NECTIN3: variants seen among roughly 807,000 people sequenced by gnomAD.
NECTIN3 encodes the protein nectin cell adhesion molecule 3, also known as nectin-3.
In NECTIN3, 8 loss-of-function variants were observed where a neutral mutation model predicts 49.4. The ratio of observed to expected loss-of-function variants is 0.16; its 90% CI spans 0.10 to 0.29. The LOEUF (loss-of-function observed/expected upper bound fraction) is 0.29, where lower values mean the gene tolerates loss of function less well. NECTIN3 is among the 10% of genes least tolerant of loss of function. The pLI, the probability that NECTIN3 is intolerant of heterozygous loss-of-function variation, is 1.00. For synonymous variants in NECTIN3, 277 were observed against 241.1 expected, an observed-to-expected ratio of 1.15 and a Z score of -1.38; for missense variants, 581 against 654.6, an observed-to-expected ratio of 0.89 and a Z score of 1.23.
At chr3:111,179,125 C>G (rs1208622891) in intron 7 of NECTIN3, among the ~76,000 whole-genome samples, 1 of 152,216 alleles carries the variant, frequency 6.6e-6, no homozygotes, top group East Asian at 1.9e-4. Flanking sequence ...CTAATGCTGT[C>G]TGTTTTAATC....
intron 7 of NECTIN3, among the ~76,000 whole-genome samples, chr3:111,176,829 C>G (rs2035538507): frequency 6.6e-6 from 1 of 151,970 alleles, no homozygotes; most frequent in Admixed American, 6.6e-5. Flanking sequence ...ATTTCATTTT[C>G]TACATTTCTA....
chr3:111,074,283 A>G, intron 1 of NECTIN3: 1 of 456,202 alleles, frequency 2.2e-6, no homozygotes, highest in South Asian at 1.6e-5. Flanking sequence ...TGTTGATTTA[A>G]CTACTGTTTT....
chr3:111,148,481 T>A (rs1021736070), intron 7 of NECTIN3, among the ~76,000 whole-genome samples: 1 of 152,166 alleles, frequency 6.6e-6, no homozygotes, highest in Non-Finnish European at 1.5e-5. Flanking sequence ...TGTAGTCTCA[T>A]CTCTTGGCAA....
At chr3:111,102,497 G>T (rs1237430062) in intron 1 of NECTIN3, among the ~76,000 whole-genome samples, 2 of 152,208 alleles carry the variant, frequency 1.3e-5, no homozygotes, top group African/African-American at 4.8e-5. Flanking sequence ...TCCAACCCAG[G>T]TTAAATCTTG....
intron 5 of NECTIN3, among the ~76,000 whole-genome samples, chr3:111,131,931 AT>A (rs1214208467): frequency 3.3e-5 from 5 of 151,758 alleles, no homozygotes; most frequent in Admixed American, 1.3e-4. Flanking sequence ...AGTTTATTAT[AT>A]TTTTTTCTTT....
At chr3:111,098,796 C>G (rs1180467765) in intron 1 of NECTIN3, among the ~76,000 whole-genome samples, 1 of 151,980 alleles carries the variant, frequency 6.6e-6, no homozygotes, top group Non-Finnish European at 1.5e-5. Flanking sequence ...GTATTTTCAA[C>G]CTGCAATATT....
intron 1 of NECTIN3, among the ~76,000 whole-genome samples, chr3:111,086,173 G>A (rs986662138): frequency 6.6e-6 from 1 of 151,904 alleles, no homozygotes; most frequent in African/African-American, 2.4e-5. Flanking sequence ...CCTAGGAATT[G>A]TTTATATTTG....
chr3:111,129,982 G>T (rs541466685), intron 5 of NECTIN3, among the ~76,000 whole-genome samples: 1 of 144,824 alleles, frequency 6.9e-6, no homozygotes, highest in Non-Finnish European at 1.5e-5. Flanking sequence ...TTGAGACAGA[G>T]TCTTGCTCTG....
chr3:111,191,085 A>G (rs1009737987), upstream of NECTIN3, among the ~76,000 whole-genome samples: 1 of 152,196 alleles, frequency 6.6e-6, no homozygotes, highest in African/African-American at 2.4e-5. Flanking sequence ...TAATGCCTGC[A>G]TGTGGAGACA....
chr3:111,082,100 T>A (rs1430423577), intron 1 of NECTIN3, among the ~76,000 whole-genome samples: 2 of 152,338 alleles, frequency 1.3e-5, no homozygotes, highest in East Asian at 3.9e-4. Flanking sequence ...GAGAAGTAGA[T>A]GATATGGTGT....
At chr3:111,118,526 C>G in intron 2 of NECTIN3, 130 bp from the exon 3 acceptor site, 1 of 825,748 alleles carries the variant, frequency 1.2e-6, no homozygotes, top group Non-Finnish European at 1.8e-6. Context: ...ATGGCATTAC[C>G]TAAAAAGTGT....
rs2034520440 is a variant in NECTIN3 at position 111,134,781 on chromosome 3, T to C, written c.*566T>C. Reference sequence around the variant, plus strand: ...TAAGTTTCTATACAAATGAAATCTTTACCTCTGCATATTAATGAGCCTTGC... The same window carrying C: ...TAAGTTTCTATACAAATGAAATCTTCACCTCTGCATATTAATGAGCCTTGC... On this transcript the variant is annotated 3_prime_UTR_variant, in exon 6 of 6. Coordinates refer to ENST00000485303, the MANE Select transcript of NECTIN3 (RefSeq NM_015480.3). 2 of 975,830 alleles carry C rather than the reference T, an allele frequency of 2.0e-6. No homozygotes were observed. The highest frequency in any genetic ancestry group is 4.7e-5 in the South Asian group (1 of 21,092). 60.4% of individuals were successfully genotyped at this position (975,830 alleles called of 1,614,324 possible). A position where few individuals can be genotyped will look rare whatever the true frequency, so the allele number is the denominator to read the frequency against.
chr3:111,153,673 G>A (rs909754596), intron 7 of NECTIN3, among the ~76,000 whole-genome samples: 4 of 151,986 alleles, frequency 2.6e-5, no homozygotes, highest in Admixed American at 2.6e-4. Flanking sequence ...GAAAAACAAA[G>A]CTGATGCTAC....
chr3:111,122,715 T>C (rs1316573692), intron 4 of NECTIN3, among the ~76,000 whole-genome samples: 1 of 152,162 alleles, frequency 6.6e-6, no homozygotes, highest in Non-Finnish European at 1.5e-5. Context: ...TGTTTTCTCT[T>C]GTCTATAGCC....
intron 7 of NECTIN3, among the ~76,000 whole-genome samples, chr3:111,168,419 C>T (rs2035362986): frequency 6.6e-6 from 1 of 151,944 alleles, no homozygotes; most frequent in African/African-American, 2.4e-5. Flanking sequence ...GACTTTCTAC[C>T]CCCGTTTCCC....
At chr3:111,085,211 A>C (rs1260060031) in intron 1 of NECTIN3, among the ~76,000 whole-genome samples, 1 of 152,208 alleles carries the variant, frequency 6.6e-6, no homozygotes, top group Non-Finnish European at 1.5e-5. Context: ...TCTATTTCCA[A>C]ATAAGTTCAC....
At chr3:111,192,086 C>A (rs752407406), upstream of NECTIN3, among the ~76,000 whole-genome samples, 74 of 152,286 alleles carry the variant, frequency 4.9e-4, no homozygotes, top group Middle Eastern at 6.8e-3. Flanking sequence ...CCTGCCTTGG[C>A]CTCCCAAAGT....
chr3:111,100,552 GA>G (rs1193957079), intron 1 of NECTIN3, among the ~76,000 whole-genome samples: 5 of 151,714 alleles, frequency 3.3e-5, no homozygotes, highest in African/African-American at 9.7e-5. Flanking sequence ...TTCAAAATAA[GA>G]AAAAAACAGC....
chr3:111,132,745 T>C (rs1331515171), intron 5 of NECTIN3, among the ~76,000 whole-genome samples: 1 of 151,954 alleles, frequency 6.6e-6, no homozygotes, highest in Non-Finnish European at 1.5e-5. Flanking sequence ...CTCTAAAATA[T>C]TAGCTGTTCT....
Sources: gnomAD v4.1 joint callset for allele counts (sites outside exome capture counted in the v4.1 genomes callset) on GRCh38, gnomAD v4.1.1 for gene constraint, MANE v1.5 for transcripts, NCBI Gene and HGNC (gene_info 2026-07-23, HGNC 2026-07-21) for gene names.